Variants in PTPRD observed in about 807,000 individuals in gnomAD.
The protein encoded by PTPRD is receptor-type tyrosine-protein phosphatase delta.
PTPRD carries 34 observed loss-of-function variants against 214.5 expected under a neutral mutation model. The observed-to-expected ratio is 0.16, with a 90% CI of 0.12 to 0.21. The LOEUF (loss-of-function observed/expected upper bound fraction) is 0.21. Ranked by LOEUF, PTPRD falls within the 10% of genes least tolerant of loss-of-function variation. The pLI is 1.00. For synonymous variants in PTPRD, 1,128 were observed against 845.7 expected, an observed-to-expected ratio of 1.33 and a Z score of -5.79; for missense variants, 2,545 against 2,398.7, an observed-to-expected ratio of 1.06 and a Z score of -1.27.
intron 14 of PTPRD, among the ~76,000 whole-genome samples, chr9:8,590,865 T>A (rs2094043650): frequency 6.6e-6 from 1 of 152,120 alleles, no homozygotes; most frequent in South Asian, 2.1e-4. Flanking sequence ...ACAAAAACAT[T>A]TATTATTTTT....
At chr9:8,970,773 T>A (rs1439999717) in intron 11 of PTPRD, among the ~76,000 whole-genome samples, 2 of 151,796 alleles carry the variant, frequency 1.3e-5, no homozygotes, top group African/African-American at 2.4e-5. Flanking sequence ...CAGTTGTTTT[T>A]GATAAAGCAG....
chr9:9,353,240 C>A (rs1008540000), intron 9 of PTPRD, among the ~76,000 whole-genome samples: 14 of 151,910 alleles, frequency 9.2e-5, no homozygotes, highest in Non-Finnish European at 1.9e-4. Context: ...TGTTACCAAA[C>A]TCTTAAAGTA....
intron 5 of PTPRD, among the ~76,000 whole-genome samples, chr9:9,934,945 C>A (rs1382707341): frequency 6.6e-6 from 1 of 152,186 alleles, no homozygotes; most frequent in African/African-American, 2.4e-5. Flanking sequence ...TAAATATAAT[C>A]CAGCATATAA....
chr9:10,076,445 TCTGA>T (rs1175334577), intron 3 of PTPRD, among the ~76,000 whole-genome samples: 1 of 152,132 alleles, frequency 6.6e-6, no homozygotes, highest in East Asian at 1.9e-4. Flanking sequence ...GCTTATTAAC[TCTGA>T]CTGGAGGACT....
intron 3 of PTPRD, among the ~76,000 whole-genome samples, chr9:10,083,294 G>A (rs1001756823): frequency 3.3e-5 from 5 of 151,908 alleles, no homozygotes; most frequent in African/African-American, 1.2e-4. Context: ...TGGATTAGAA[G>A]TCCTTTTATA....
At chr9:9,077,799 T>A (rs996055073) in intron 10 of PTPRD, among the ~76,000 whole-genome samples, 3 of 152,010 alleles carry the variant, frequency 2.0e-5, no homozygotes, top group Non-Finnish European at 4.4e-5. Flanking sequence ...TCCTTGGAAA[T>A]GTGAAAGGGA....
intron 5 of PTPRD, among the ~76,000 whole-genome samples, chr9:9,854,667 C>A (rs2153673739): frequency 6.6e-6 from 1 of 152,078 alleles, no homozygotes; most frequent in East Asian, 1.9e-4. Flanking sequence ...TTTTTGATTA[C>A]TTATCTAAAT....
At chr9:8,983,883 T>A (rs1029749841) in intron 11 of PTPRD, among the ~76,000 whole-genome samples, 1 of 152,050 alleles carries the variant, frequency 6.6e-6, no homozygotes, top group Non-Finnish European at 1.5e-5. Flanking sequence ...CTTTTTTACA[T>A]GTGAAAAAGA....
rs1288393878 is a variant in PTPRD, at chr9:10,406,363, G to A, written c.-599-65346C>T. 4.0e-5 allele frequency among the ~76,000 whole-genome samples: 6 copies of A among 151,302 alleles called. No individual in the cohort carries two copies. The Admixed American group carries it at 4.0e-4, about 10-fold the overall frequency. ...TGTACAAAATACCTAATATTATAGT[G>A]GAATAACAAACGAAAATTGAAGAAA... On this transcript the variant is annotated intron_variant, in intron 2 of 45. Transcript: ENST00000381196.
At chr9:9,732,889 G>T (rs2098223793) in intron 7 of PTPRD, among the ~76,000 whole-genome samples, 1 of 149,066 alleles carries the variant, frequency 6.7e-6, no homozygotes, top group Admixed American at 6.7e-5. Context: ...GCCAGCATGG[G>T]CAACACAGTG....
At chr9:9,341,915 T>G (rs1364789220) in intron 9 of PTPRD, among the ~76,000 whole-genome samples, 1 of 152,118 alleles carries the variant, frequency 6.6e-6, no homozygotes, top group Non-Finnish European at 1.5e-5. Flanking sequence ...TTCAAGTGAT[T>G]CTCCTGCCTC....
intron 10 of PTPRD, among the ~76,000 whole-genome samples, chr9:9,121,872 GATA>G (rs770206034): frequency 6.6e-6 from 1 of 152,084 alleles, no homozygotes. Flanking sequence ...AACTTGATCA[GATA>G]TATTTTGGCT....
rs141597327 is a variant in PTPRD at position 10,029,589 on chromosome 9, C to T, written c.-472+4129G>A. On this transcript the variant is annotated intron_variant, in intron 4 of 45. Transcript: ENST00000381196. ...TGCTGGATTTTGGATTTGCATGGGG[C>T]CTGTAGCCCCTTTGTTTTGGTCAAT... is the stretch of plus-strand genomic sequence containing the variant. Among the ~76,000 whole-genome samples the T allele has an allele frequency of 5.8e-4, 88 of 152,288 alleles. 2 individuals are homozygous for T. In the East Asian group the frequency reaches 0.015, roughly 26 times the overall value.
chr9:10,482,263 G>T lies in PTPRD; in HGVS notation c.-600+130135C>A, dbSNP rs550918893. On this transcript the variant is annotated intron_variant, in intron 2 of 45. Transcript: ENST00000381196. ...GCGGGTGCCTGTAGTCCCAGCTACT[G>T]AGGAGGCTGAGGCAGGAGAATGGCA... Among the ~76,000 whole-genome samples, 840 of 151,782 alleles carry T rather than the reference G, an allele frequency of 5.5e-3. 5 individuals are homozygous for T. Among genetic ancestry groups the T allele is most frequent in the African/African-American group, 0.02 (810 of 41,478 alleles).
intron 10 of PTPRD, among the ~76,000 whole-genome samples, chr9:9,059,112 GA>G (rs1208293843): frequency 6.6e-6 from 1 of 152,040 alleles, no homozygotes; most frequent in African/African-American, 2.4e-5. Flanking sequence ...CATACCACAT[GA>G]AAAAAATATA....
chr9:10,580,437 A>G (rs1291801212), intron 2 of PTPRD, among the ~76,000 whole-genome samples: 2 of 152,172 alleles, frequency 1.3e-5, no homozygotes, highest in Non-Finnish European at 1.5e-5. Flanking sequence ...TGTGAATTCA[A>G]TGATGATTTA....
chr9:8,402,801 G>A (rs960874109), intron 36 of PTPRD, among the ~76,000 whole-genome samples: 3 of 151,444 alleles, frequency 2.0e-5, no homozygotes, highest in Admixed American at 6.6e-5. Flanking sequence ...GAAAAGAAGC[G>A]ATTACCCATT....
intron 8 of PTPRD, among the ~76,000 whole-genome samples, chr9:9,535,421 C>T (rs2076310617): frequency 6.6e-6 from 1 of 152,038 alleles, no homozygotes; most frequent in African/African-American, 2.4e-5. Context: ...TTACCATCTT[C>T]AATTTGAATG....
At position 9,971,214 on chromosome 9, in the gene PTPRD, G is replaced by T. The variant is rs115753955; in HGVS notation, c.-471-32604C>A. ...AATAAAAACATCAGGTAAGATTTAA[G>T]TTCCTTTTAAGTAGTAATTCTTCAG... On this transcript the variant is annotated intron_variant, in intron 4 of 45. Transcript: ENST00000381196. Among the ~76,000 whole-genome samples the T allele has an allele frequency of 2.8e-3, 425 of 152,278 alleles. 1 individual carries two copies. The highest frequency in any genetic ancestry group is 9.8e-3 in the African/African-American group (407 of 41,570).
Sources: gnomAD v4.1 joint callset for allele counts (sites outside exome capture counted in the v4.1 genomes callset) on GRCh38, gnomAD v4.1.1 for gene constraint, MANE v1.5 for transcripts, NCBI Gene and HGNC (gene_info 2026-07-23, HGNC 2026-07-21) for gene names.